PRRX1: variants seen among roughly 807,000 people sequenced by gnomAD.
PRRX1 encodes paired related homeobox 1.
PRRX1 carries 8 observed loss-of-function variants against 24.0 expected under a neutral mutation model. The observed-to-expected ratio is 0.33, with a 90% CI of 0.20 to 0.60. The LOEUF is 0.60. Among genes scored for constraint, PRRX1 ranks in the 20% least tolerant of loss-of-function variants. The probability of loss-of-function intolerance (pLI) is 0.82; values close to 1 mark genes in which losing one functional copy is unlikely to be tolerated. For synonymous variants in PRRX1, 160 were observed against 131.7 expected, an observed-to-expected ratio of 1.22 and a Z score of -1.47; for missense variants, 281 against 322.4, an observed-to-expected ratio of 0.87 and a Z score of 0.98.
chr1:170,739,217 G>T lies in PRRX1; in HGVS notation c.*3031G>T. Reference sequence around the variant, plus strand: ...TTCAAACAAGATGCTGATTTGTAGGGTACTTGGCAGGTTAAATTAAACCAG... The same window carrying T: ...TTCAAACAAGATGCTGATTTGTAGGTTACTTGGCAGGTTAAATTAAACCAG... On this transcript the variant is annotated 3_prime_UTR_variant, in exon 4 of 4. Transcript: ENST00000239461. 5.0e-6 allele frequency: 1 copy of T among 201,280 alleles called. No individual in the cohort carries two copies. The highest frequency in any genetic ancestry group is 1.0e-5 in the Non-Finnish European group (1 of 97,564). 12.5% of individuals were successfully genotyped at this position (201,280 alleles called of 1,614,324 possible). A position where few individuals can be genotyped will look rare whatever the true frequency, so the allele number is the denominator to read the frequency against.
Position 170,733,792 on chromosome 1 carries a change from C to T in PRRX1, c.600-2256C>T, listed in dbSNP as rs1267362091. On this transcript the variant is annotated intron_variant, in intron 3 of 3. Transcript: ENST00000239461. ...CTTAGATCTTCGGATTCTTGGTATA[C>T]CCTAGAAATTTTTTGAATATAGGTT... 5.9e-5 allele frequency among the ~76,000 whole-genome samples: 9 copies of T among 152,060 alleles called. No individual in the cohort carries two copies. In the East Asian group the frequency reaches 1.7e-3, roughly 29 times the overall value.
intron 1 of PRRX1, chr1:170,667,398 A>G (rs78211396): frequency 0.031 from 4,711 of 152,294 alleles, 225 homozygotes; most frequent in African/African-American, 0.11. Flanking sequence ...TGTTGCTTTT[A>G]TAAGCACTTT....
At position 170,736,270 on chromosome 1, in the gene PRRX1, G is replaced by A; in HGVS notation, c.*84G>A. On this transcript the variant is annotated 3_prime_UTR_variant, in exon 4 of 4. Transcript: ENST00000239461. Reference sequence around the variant, plus strand: ...TGCTCTGTTATTTCTTCATCTGCTGGGGGGAAAAAGTAAATTACAAACAAA... The same window carrying A: ...TGCTCTGTTATTTCTTCATCTGCTGAGGGGAAAAAGTAAATTACAAACAAA... 2 of 1,540,174 alleles carry A rather than the reference G, an allele frequency of 1.3e-6. No homozygotes were observed. The highest frequency in any genetic ancestry group is 1.8e-6 in the Non-Finnish European group (2 of 1,121,798).
At chr1:170,702,060 A>G (rs943850821) in intron 1 of PRRX1, among the ~76,000 whole-genome samples, 2 of 152,194 alleles carry the variant, frequency 1.3e-5, no homozygotes, top group Admixed American at 1.3e-4. Flanking sequence ...TCCTCGGCTC[A>G]TCAGGCATTA....
intron 1 of PRRX1, among the ~76,000 whole-genome samples, chr1:170,699,468 G>C (rs1654281825): frequency 1.3e-5 from 2 of 152,028 alleles, no homozygotes; most frequent in East Asian, 3.9e-4. Context: ...CTAGATAAAT[G>C]GCAAGAAGAT....
At chr1:170,690,763 C>A (rs960754384) in intron 1 of PRRX1, among the ~76,000 whole-genome samples, 2 of 151,934 alleles carry the variant, frequency 1.3e-5, no homozygotes, top group African/African-American at 4.8e-5. Context: ...ACCAGAGAGG[C>A]CCTGGAACTG....
At chr1:170,729,786 G>T (rs1655370596) in intron 3 of PRRX1, among the ~76,000 whole-genome samples, 3 of 152,148 alleles carry the variant, frequency 2.0e-5, no homozygotes, top group African/African-American at 7.2e-5. Flanking sequence ...CCTGGCAGGT[G>T]CCTTCTTTAC....
intron 1 of PRRX1, among the ~76,000 whole-genome samples, chr1:170,672,635 A>G (rs1478864792): frequency 2.0e-5 from 3 of 152,238 alleles, no homozygotes; most frequent in Non-Finnish European, 4.4e-5. Flanking sequence ...GAATTCATAT[A>G]TACAACTTAA....
intron 1 of PRRX1, among the ~76,000 whole-genome samples, chr1:170,674,242 A>G (rs565963807): frequency 3.4e-4 from 51 of 151,492 alleles, no homozygotes; most frequent in Middle Eastern, 3.4e-3. Flanking sequence ...GCACGCACGC[A>G]CACACACACA....
intron 1 of PRRX1, among the ~76,000 whole-genome samples, chr1:170,680,547 GT>G (rs1653473245): frequency 6.6e-6 from 1 of 152,164 alleles, no homozygotes; most frequent in East Asian, 1.9e-4. Flanking sequence ...GTTAGCTCTT[GT>G]TTATTTTATA....
rs1269622585 is a variant in PRRX1, at chr1:170,736,897, C to G, written c.*711C>G. On this transcript the variant is annotated 3_prime_UTR_variant, in exon 4 of 4. Coordinates refer to ENST00000239461, the MANE Select transcript of PRRX1 (RefSeq NM_022716.4). ...AGCTATAGATTTAAGCTTGAAGCTA[C>G]AGATTATATCACTATCACCACCACC... The G allele has an allele frequency of 5.0e-6, 1 of 198,488 alleles. No individual in the cohort carries two copies. The highest frequency in any genetic ancestry group is 6.1e-5 in the Admixed American group (1 of 16,526). The allele number at this position is 198,488 out of a possible 1,614,324, so 12.3% of individuals were successfully genotyped here. A position where few individuals can be genotyped will look rare whatever the true frequency, so the allele number is the denominator to read the frequency against.
intron 1 of PRRX1, among the ~76,000 whole-genome samples, chr1:170,683,444 T>C (rs1180543476): frequency 1.3e-5 from 2 of 152,084 alleles, no homozygotes; most frequent in Non-Finnish European, 2.9e-5. Flanking sequence ...ACCTAGGACA[T>C]TCATCTTTCT....
chr1:170,682,045 C>T (rs942504321), intron 1 of PRRX1, among the ~76,000 whole-genome samples: 2 of 151,936 alleles, frequency 1.3e-5, no homozygotes, highest in African/African-American at 2.4e-5. Flanking sequence ...TAGGAAACCT[C>T]CAAAAGATTG....
chr1:170,736,379 C>T lies in PRRX1; in HGVS notation c.*193C>T, dbSNP rs1283593458. On this transcript the variant is annotated 3_prime_UTR_variant, in exon 4 of 4. Coordinates refer to ENST00000239461, the MANE Select transcript of PRRX1 (RefSeq NM_022716.4). Reference sequence around the variant, plus strand: ...AATGAAAATTAGTTAACAAATGTTCCTCCTCCCTCTGGGATACCACCACCA... The same window carrying T: ...AATGAAAATTAGTTAACAAATGTTCTTCCTCCCTCTGGGATACCACCACCA... The T allele has an allele frequency of 2.9e-6, 2 of 700,188 alleles. No individual in the cohort carries two copies. Among genetic ancestry groups the T allele is most frequent in the Non-Finnish European group, 4.7e-6 (2 of 424,906 alleles). The allele number at this position is 700,188 out of a possible 1,614,324, so 43.4% of individuals were successfully genotyped here. A position where few individuals can be genotyped will look rare whatever the true frequency, so the allele number is the denominator to read the frequency against.
upstream of PRRX1, chr1:170,663,064 T>TCCTC (rs1023982836): frequency 4.0e-5 from 6 of 150,480 alleles, no homozygotes; most frequent in South Asian, 8.6e-4. Context: ...CTCTCTCCCT[T>TCCTC]CCTCCCTCCC....
chr1:170,712,894 C>A (rs978804003), intron 1 of PRRX1, among the ~76,000 whole-genome samples: 1 of 152,106 alleles, frequency 6.6e-6, no homozygotes, highest in Non-Finnish European at 1.5e-5. Context: ...CAAAAAGATT[C>A]TTATTTTCCC....
intron 1 of PRRX1, among the ~76,000 whole-genome samples, chr1:170,706,024 T>G (rs1269994135): frequency 6.6e-6 from 1 of 152,038 alleles, no homozygotes; most frequent in Non-Finnish European, 1.5e-5. Flanking sequence ...TTTTAAAAAC[T>G]CTGGAACTTT....
chr1:170,704,703 A>C (rs1489665285), intron 1 of PRRX1, among the ~76,000 whole-genome samples: 1 of 152,222 alleles, frequency 6.6e-6, no homozygotes, highest in Non-Finnish European at 1.5e-5. Context: ...TGGAACAAAT[A>C]AAATGGTAAA....
chr1:170,677,309 T>C (rs1022880845), intron 1 of PRRX1, among the ~76,000 whole-genome samples: 2 of 152,214 alleles, frequency 1.3e-5, no homozygotes, highest in African/African-American at 4.8e-5. Context: ...ATTTGTTATT[T>C]GGAATAATAA....
Sources: allele counts gnomAD v4.1 joint callset (sites outside exome capture counted in the v4.1 genomes callset), GRCh38; gene constraint gnomAD v4.1.1; transcripts MANE v1.5; gene names NCBI Gene and HGNC (gene_info 2026-07-23, HGNC 2026-07-21).